LARS1: variants seen among roughly 807,000 people sequenced by gnomAD.
LARS1 encodes the protein leucine--tRNA ligase, cytoplasmic.
A neutral mutation model predicts 162.8 loss-of-function variants in LARS1; 100 were observed. That is an observed-to-expected ratio of 0.61 (90% CI 0.52 to 0.73). The LOEUF is 0.73. LARS1 is among the 30% of genes least tolerant of loss of function. The pLI is 0.00. For missense variants in LARS1, 1,258 were observed against 1,408.9 expected, an observed-to-expected ratio of 0.89 and a Z score of 1.71; for synonymous variants, 457 against 462.8, an observed-to-expected ratio of 0.99 and a Z score of 0.16.
At chr5:146,120,297 T>C (rs1316565524) in intron 31 of LARS1, 74 bp downstream of exon 31, 10 of 1,507,178 alleles carry the variant, frequency 6.6e-6, no homozygotes, top group Non-Finnish European at 9.1e-6. Context: ...CGGTTTCTTT[T>C]CTTTTTCCTT....
At chr5:146,153,658 C>T (rs1753392680) in intron 12 of LARS1, 76 bp downstream of exon 12, 6 of 1,117,208 alleles carry the variant, frequency 5.4e-6, no homozygotes, top group South Asian at 3.8e-5. Flanking sequence ...TTAGCCTAGT[C>T]CCACAGCGTA....
chr5:146,135,028 CAG>C (rs1752445194), intron 22 of LARS1, among the ~76,000 whole-genome samples: 1 of 151,984 alleles, frequency 6.6e-6, no homozygotes, highest in Admixed American at 6.5e-5. Context: ...TTTTTTGAGA[CAG>C]AGTTTCACTC....
intron 22 of LARS1, 105 bp downstream of exon 22, chr5:146,135,496 T>A: frequency 1.2e-6 from 1 of 820,842 alleles, no homozygotes; most frequent in Admixed American, 3.0e-5. Context: ...TAAAATTTTG[T>A]TAAAAGCAAA....
rs748434788 is a variant in LARS1 at position 146,157,633 on chromosome 5, G to GA, written c.840-6dup. ...ATATTTTTACCTTTCAGGCCACTGA[G>GA]AAAAAAAAACAAATATTGATGTAAA... On this transcript the variant is annotated splice_polypyrimidine_tract_variant and splice_region_variant and intron_variant, in intron 9 of 31. Coordinates refer to ENST00000394434, the MANE Select transcript of LARS1 (RefSeq NM_020117.11). 712 of 1,578,896 alleles carry GA rather than the reference G, an allele frequency of 4.5e-4. No homozygotes were observed. The highest frequency in any genetic ancestry group is 5.5e-4 in the Non-Finnish European group (633 of 1,156,212).
intron 31 of LARS1, 105 bp from the exon 32 acceptor site, chr5:146,114,416 CA>C: frequency 1.1e-6 from 1 of 871,092 alleles, no homozygotes; most frequent in Non-Finnish European, 1.8e-6. Flanking sequence ...TATATCTAAA[CA>C]AAAATATTTT....
chr5:146,118,082 G>T (rs1252307127), intron 31 of LARS1, among the ~76,000 whole-genome samples: 1 of 152,150 alleles, frequency 6.6e-6, no homozygotes, highest in Non-Finnish European at 1.5e-5. Context: ...GTTTATTGCA[G>T]CACTATTCAC....
intron 27 of LARS1, among the ~76,000 whole-genome samples, 159 bp downstream of exon 27, chr5:146,128,513 A>G (rs1752135535): frequency 6.6e-6 from 1 of 152,132 alleles, no homozygotes; most frequent in South Asian, 2.1e-4. Context: ...CATCCATTTA[A>G]GAGCCACCAA....
Position 146,120,360 on chromosome 5 carries a change from G to A in LARS1, c.3325+11C>T, listed in dbSNP as rs1287430156. 1.9e-6 allele frequency: 3 copies of A among 1,612,536 alleles called. No homozygotes were observed. The highest frequency in any genetic ancestry group is 3.3e-5 in the Admixed American group (2 of 59,940). On this transcript the variant is annotated intron_variant, in intron 31 of 31. Transcript: ENST00000394434. Reference sequence around the variant, plus strand: ...GCTACTGACAAATGGGAGTTTTGGGGAACAACTTACCTTTAATTCCTCGAT... The same window carrying A: ...GCTACTGACAAATGGGAGTTTTGGGAAACAACTTACCTTTAATTCCTCGAT...
intron 15 of LARS1, among the ~76,000 whole-genome samples, chr5:146,145,130 C>T (rs542036011): frequency 2.6e-5 from 4 of 152,054 alleles, no homozygotes; most frequent in South Asian, 2.1e-4. Flanking sequence ...CAGGCTGGAG[C>T]GCAGTGGCAC....
chr5:146,123,350 G>A (rs1751909773), intron 29 of LARS1, among the ~76,000 whole-genome samples: 1 of 151,812 alleles, frequency 6.6e-6, no homozygotes, highest in Non-Finnish European at 1.5e-5. Context: ...ATATAAAGTT[G>A]TGAGTGGGGC....
chr5:146,167,825 G>C (rs192498068), intron 5 of LARS1, among the ~76,000 whole-genome samples: 1 of 150,382 alleles, frequency 6.6e-6, no homozygotes, highest in Non-Finnish European at 1.5e-5. Flanking sequence ...CACCGCGCCC[G>C]GCCTACGACC....
At position 146,162,945 on chromosome 5, in the gene LARS1, G is replaced by A. The variant is rs1195830022; in HGVS notation, c.594+1365C>T. Among the ~76,000 whole-genome samples, 3 of 152,104 alleles carry A rather than the reference G, an allele frequency of 2.0e-5. No individual in the cohort carries two copies. The East Asian group carries it at 5.8e-4, about 29-fold the overall frequency. On this transcript the variant is annotated intron_variant, in intron 6 of 31. Coordinates refer to ENST00000394434, the MANE Select transcript of LARS1 (RefSeq NM_020117.11). ...CTCCTTCAGCTTCCCAAGTAGCTGG[G>A]ATTATAGGAGCCCGCCACCATACCC...
At chr5:146,116,266 C>G (rs1353127406) in intron 31 of LARS1, among the ~76,000 whole-genome samples, 5 of 152,134 alleles carry the variant, frequency 3.3e-5, no homozygotes, top group Non-Finnish European at 7.4e-5. Flanking sequence ...ATCAGTGGTA[C>G]CAAATATTTT....
At position 146,131,081 on chromosome 5, in the gene LARS1, C is replaced by A; in HGVS notation, c.2425G>T (p.Asp809Tyr). The A allele has an allele frequency of 6.3e-7, 1 of 1,589,694 alleles. No individual in the cohort carries two copies. Among genetic ancestry groups the A allele is most frequent in the Non-Finnish European group, 8.6e-7 (1 of 1,164,908 alleles). ...AACATCATCTTTTCATAGTTTTGAT[C>A]TGTTTTTATAATTCCTGCATTCAAT... ...SELNAGIIKT[D>Y]QNYEKMMFKE... Residue 809 changes from aspartate to tyrosine, a missense_variant, in exon 24 of 32, where the codon GAT becomes TAT. Transcript: ENST00000394434.
chr5:146,141,289 A>G (rs985880947), intron 20 of LARS1, among the ~76,000 whole-genome samples: 2 of 152,162 alleles, frequency 1.3e-5, no homozygotes, highest in Non-Finnish European at 2.9e-5. Context: ...GCCTACAGAC[A>G]TGGATATTAA....
At chr5:146,121,093 T>C (rs1261237430) in intron 30 of LARS1, among the ~76,000 whole-genome samples, 4 of 152,134 alleles carry the variant, frequency 2.6e-5, no homozygotes, top group African/African-American at 7.2e-5. Context: ...ATAAATATAT[T>C]TGTATAAGGA....
At chr5:146,177,167 T>C (rs1468203285) in intron 2 of LARS1, among the ~76,000 whole-genome samples, 1 of 152,134 alleles carries the variant, frequency 6.6e-6, no homozygotes, top group Non-Finnish European at 1.5e-5. Flanking sequence ...CCAACGGTTT[T>C]AGAAATACAA....
chr5:146,123,109 ATATT>A lies in LARS1; in HGVS notation c.3097-526_3097-523del, dbSNP rs145075985. ...ATATACATAAAATGGATGTCATTTAATATTTATTAATTTCATTAACTCATTTAAA... is the reference window on the plus strand; with the variant it reads ...ATATACATAAAATGGATGTCATTTAATATTAATTTCATTAACTCATTTAAA... On this transcript the variant is annotated intron_variant, in intron 29 of 31. Transcript: ENST00000394434. Among the ~76,000 whole-genome samples the A allele has an allele frequency of 2.2e-3, 329 of 152,154 alleles. 3 individuals are homozygous for A. The highest frequency in any genetic ancestry group is 7.7e-3 in the African/African-American group (320 of 41,552).
At chr5:146,134,374 T>C (rs1752420547) in intron 22 of LARS1, among the ~76,000 whole-genome samples, 1 of 152,336 alleles carries the variant, frequency 6.6e-6, no homozygotes, top group Non-Finnish European at 1.5e-5. Context: ...ATTGCTTATA[T>C]ATCTTGTAAG....
Sources: gnomAD v4.1 joint callset for allele counts (sites outside exome capture counted in the v4.1 genomes callset) on GRCh38, gnomAD v4.1.1 for gene constraint, MANE v1.5 for transcripts, NCBI Gene and HGNC (gene_info 2026-07-23, HGNC 2026-07-21) for gene names.